PICALM: variants seen among roughly 807,000 people sequenced by gnomAD.
The protein encoded by PICALM is phosphatidylinositol binding clathrin assembly protein, also known as phosphatidylinositol-binding clathrin assembly protein.
PICALM carries 40 observed loss-of-function variants against 80.5 expected under a neutral mutation model. The ratio of observed to expected loss-of-function variants is 0.50; its 90% CI spans 0.39 to 0.65. The LOEUF (loss-of-function observed/expected upper bound fraction) is 0.65, where lower values mean the gene tolerates loss of function less well. Ranked by LOEUF, PICALM falls within the 30% of genes least tolerant of loss-of-function variation. The pLI is 0.00. For synonymous variants in PICALM, 288 were observed against 260.3 expected, an observed-to-expected ratio of 1.11 and a Z score of -1.02; for missense variants, 676 against 778.9, an observed-to-expected ratio of 0.87 and a Z score of 1.57.
At chr11:86,023,797 A>G (rs1306849420) in intron 3 of PICALM, among the ~76,000 whole-genome samples, 1 of 152,196 alleles carries the variant, frequency 6.6e-6, no homozygotes, top group Non-Finnish European at 1.5e-5. Context: ...GAGACACTCC[A>G]TTTTTATCTA....
At chr11:85,985,851 A>T (rs2094556652) in intron 13 of PICALM, among the ~76,000 whole-genome samples, 2 of 152,224 alleles carry the variant, frequency 1.3e-5, no homozygotes, top group South Asian at 4.1e-4. Context: ...ATTTAAAATT[A>T]GGCCAATATA....
chr11:85,993,021 T>C (rs1345655740), intron 12 of PICALM, among the ~76,000 whole-genome samples: 1 of 151,852 alleles, frequency 6.6e-6, no homozygotes, highest in African/African-American at 2.4e-5. Flanking sequence ...TTCATTAAGG[T>C]ATAATAATAA....
At chr11:86,063,617 G>C (rs949631136) in intron 1 of PICALM, among the ~76,000 whole-genome samples, 5 of 152,092 alleles carry the variant, frequency 3.3e-5, no homozygotes, top group Non-Finnish European at 7.4e-5. Context: ...ATATACCTCA[G>C]GCATTCTGTT....
chr11:85,957,388 C>T lies in PICALM; in HGVS notation c.*1658G>A, dbSNP rs575810097. ...CTTTGGCAGACATAATTATATGTAC[C>T]AAAACATTAAACTGCGTATTTTCCC... On this transcript the variant is annotated 3_prime_UTR_variant, in exon 20 of 20. Coordinates refer to ENST00000393346, the MANE Select transcript of PICALM (RefSeq NM_007166.4). 1.9e-3 allele frequency among the ~76,000 whole-genome samples: 282 copies of T among 152,172 alleles called. 1 individual carries two copies. Among genetic ancestry groups the T allele is most frequent in the African/African-American group, 6.4e-3 (265 of 41,520 alleles).
At chr11:85,991,115 T>C in intron 12 of PICALM, among the ~76,000 whole-genome samples, 1 of 152,328 alleles carries the variant, frequency 6.6e-6, no homozygotes, top group East Asian at 1.9e-4. Context: ...AAAGTTATTC[T>C]AGAGTCAGAT....
At chr11:86,055,482 T>C (rs1350217038) in intron 1 of PICALM, among the ~76,000 whole-genome samples, 2 of 112,436 alleles carry the variant, frequency 1.8e-5, no homozygotes, top group Non-Finnish European at 3.6e-5. Flanking sequence ...TCAGATTAAG[T>C]GGTTTATCCA....
At chr11:85,974,908 C>T in intron 18 of PICALM, 96 bp from the exon 19 acceptor site, 2 of 840,408 alleles carry the variant, frequency 2.4e-6, no homozygotes, top group South Asian at 2.7e-5. Flanking sequence ...GGTCCTAGTA[C>T]CTTTGCTTGA....
rs574814532 is a variant in PICALM at position 86,000,847 on chromosome 11, G to A, written c.1018-68C>T. 1,744 of 1,552,058 alleles carry A rather than the reference G, an allele frequency of 1.1e-3. 20 individuals carry two copies. Among genetic ancestry groups the A allele is most frequent in the Middle Eastern group, 5.1e-3 (24 of 4,716 alleles). ...TTTCTTTGTACAGCCTCTGAAAAAA[G>A]CATTTTCTAATTTGTTCTGATAGCA... On this transcript the variant is annotated intron_variant, in intron 10 of 19. Coordinates refer to ENST00000393346, the MANE Select transcript of PICALM (RefSeq NM_007166.4).
At chr11:86,014,646 A>G (rs934625552) in intron 5 of PICALM, among the ~76,000 whole-genome samples, 3 of 152,294 alleles carry the variant, frequency 2.0e-5, no homozygotes, top group East Asian at 1.9e-4. Flanking sequence ...TTTAGCTTGT[A>G]TATCTTAAAA....
At chr11:85,967,561 G>T (rs558326420) in intron 19 of PICALM, among the ~76,000 whole-genome samples, 2 of 152,180 alleles carry the variant, frequency 1.3e-5, no homozygotes, top group Non-Finnish European at 2.9e-5. Flanking sequence ...CCAAGGAAAC[G>T]TCCCTCATGG....
At chr11:86,069,578 CAG>C (rs1414994294), upstream of PICALM, 1 of 152,312 alleles carries the variant, frequency 6.6e-6, no homozygotes, top group South Asian at 2.1e-4. Flanking sequence ...GCTTTCCCAG[CAG>C]AGTCAAGAAT....
intron 14 of PICALM, 102 bp from the exon 15 acceptor site, chr11:85,982,105 A>G: frequency 9.9e-7 from 1 of 1,005,208 alleles, no homozygotes; most frequent in Non-Finnish European, 1.5e-6. Context: ...ATTCACTGGA[A>G]AAGTTATCCA....
At chr11:86,022,629 T>C (rs1473594251) in intron 3 of PICALM, among the ~76,000 whole-genome samples, 160 bp from the exon 4 acceptor site, 1 of 152,102 alleles carries the variant, frequency 6.6e-6, no homozygotes, top group Non-Finnish European at 1.5e-5. Flanking sequence ...AGTAACTAAT[T>C]AATAACATTA....
chr11:85,991,600 T>C (rs151084578), intron 12 of PICALM, among the ~76,000 whole-genome samples: 2 of 152,186 alleles, frequency 1.3e-5, no homozygotes, highest in African/African-American at 4.8e-5. Flanking sequence ...ACACATCTTT[T>C]AAATACAACT....
chr11:86,037,731 T>C (rs1255413948), intron 1 of PICALM, among the ~76,000 whole-genome samples: 1 of 152,280 alleles, frequency 6.6e-6, no homozygotes, highest in East Asian at 1.9e-4. Context: ...TAATATTTTT[T>C]TGTATATATT....
intron 11 of PICALM, among the ~76,000 whole-genome samples, chr11:85,998,561 G>C (rs34332755): frequency 0.1 from 15,370 of 151,942 alleles, 945 homozygotes; most frequent in Admixed American, 0.14. Flanking sequence ...GGGAGGCTGA[G>C]GCGTGCGGAC....
intron 19 of PICALM, among the ~76,000 whole-genome samples, chr11:85,974,023 T>G (rs1355016145): frequency 6.6e-6 from 1 of 151,878 alleles, no homozygotes; most frequent in East Asian, 1.9e-4. Flanking sequence ...TCCTATATCT[T>G]CTAACCGTAA....
intron 1 of PICALM, among the ~76,000 whole-genome samples, chr11:86,033,938 G>A (rs1202204518): frequency 6.6e-6 from 1 of 152,062 alleles, no homozygotes; most frequent in Non-Finnish European, 1.5e-5. Flanking sequence ...TTCCCAAGAG[G>A]TTGAAAAACA....
intron 6 of PICALM, among the ~76,000 whole-genome samples, chr11:86,011,388 T>C (rs2095391513): frequency 6.6e-6 from 1 of 152,212 alleles, no homozygotes; most frequent in East Asian, 1.9e-4. Context: ...TCCTCACAAT[T>C]ACCTAAGTAC....
Sources: allele counts gnomAD v4.1 joint callset (sites outside exome capture counted in the v4.1 genomes callset), GRCh38; gene constraint gnomAD v4.1.1; transcripts MANE v1.5; gene names NCBI Gene and HGNC (gene_info 2026-07-23, HGNC 2026-07-21).